Variants in STX5 observed in about 807,000 individuals in gnomAD.
STX5 encodes syntaxin 5.
STX5 carries 15 observed loss-of-function variants against 42.9 expected under a neutral mutation model. The observed-to-expected ratio is 0.35, with a 90% confidence interval of 0.23 to 0.54. The LOEUF (loss-of-function observed/expected upper bound fraction) is 0.54, where lower values mean the gene tolerates loss of function less well. Ranked by LOEUF, STX5 falls within the 20% of genes least tolerant of loss-of-function variation. The pLI is 0.91. For synonymous variants in STX5, 184 were observed against 173.2 expected (o/e 1.06, Z -0.49); for missense variants, 430 against 455.0 (o/e 0.95, Z 0.50).
chr11:62,825,061 G>A lies in STX5; in HGVS notation c.654C>T (p.Ala218=). The change falls in exon 8 of 11, where the codon GCC becomes GCT. Residue 218 remains alanine (A), a synonymous_variant. Coordinates refer to ENST00000294179, the MANE Select transcript of STX5 (RefSeq NM_003164.5). The part of the protein sequence containing the change: ...REQFSRAPVS[A]LPLAPNHLGG... ...CCAGGTGGTTAGGGGCAAGGGGCAG[G>A]GCTGACACAGGTGCCCGGGAGAACT... 6.2e-7 allele frequency: 1 copy of A among 1,613,940 alleles called. No homozygotes were observed. Among genetic ancestry groups the A allele is most frequent in the East Asian group, 2.2e-5 (1 of 44,890 alleles).
intron 10 of STX5, among the ~76,000 whole-genome samples, chr11:62,808,317 T>C (rs1244480244): frequency 6.6e-6 from 1 of 151,752 alleles, no homozygotes; most frequent in Non-Finnish European, 1.5e-5. Flanking sequence ...TCCCAGCTAC[T>C]CGGGAGGCTG....
At position 62,831,092 on chromosome 11, in the gene STX5, G is replaced by A. The variant is rs3802945; in HGVS notation, c.152C>T (p.Pro51Leu). 7.6e-4 allele frequency: 1,187 copies of A among 1,556,146 alleles called. 19 individuals are homozygous for A. In the East Asian group the frequency reaches 0.027, roughly 35 times the overall value. Residue 51 changes from proline to leucine, a missense_variant, in exon 2 of 11, where the codon CCT becomes CTT. Physicochemically the swap from Pro to Leu is moderately conservative, Grantham distance 98 (BLOSUM62 -3). Coordinates refer to ENST00000294179, the MANE Select transcript of STX5 (RefSeq NM_003164.5). ...ATCCCGGCAGGACATGGTGTCGGGA[G>A]GGGGAGGGACGAGGGTCACTGGGGG... ...LPPPVTLVPP[P>L]PDTMSCRDRT...
chr11:62,807,262 G>T lies in STX5; in HGVS notation c.*207C>A. The T allele has an allele frequency of 1.5e-6, 1 of 664,194 alleles. No individual in the cohort carries two copies. 41.1% of individuals were successfully genotyped at this position (664,194 alleles called of 1,614,324 possible). A position where few individuals can be genotyped will look rare whatever the true frequency, so the allele number is the denominator to read the frequency against. ...GCAGAGTTCAAATCTAGAACCCTGT[G>T]TGTTTCATAGGCCTGAGGGTGGTGG... On this transcript the variant is annotated 3_prime_UTR_variant, in exon 11 of 11. Coordinates refer to ENST00000294179, the MANE Select transcript of STX5 (RefSeq NM_003164.5).
intron 10 of STX5, among the ~76,000 whole-genome samples, chr11:62,815,387 CATA>C (rs910158082): frequency 1.3e-5 from 2 of 152,068 alleles, no homozygotes; most frequent in South Asian, 4.2e-4. Flanking sequence ...CTGGATAATA[CATA>C]ATATTAGGAA....
At chr11:62,815,929 G>A (rs2084668493) in intron 10 of STX5, 1 of 151,854 alleles carries the variant, frequency 6.6e-6, no homozygotes, top group South Asian at 2.1e-4. Context: ...CGTGTCTTGG[G>A]GCTTGGTATA....
chr11:62,815,684 G>T (rs1433249556), intron 10 of STX5, among the ~76,000 whole-genome samples: 3 of 151,710 alleles, frequency 2.0e-5, no homozygotes, highest in Non-Finnish European at 4.4e-5. Flanking sequence ...CCACAGGCAT[G>T]CACCACTATG....
Position 62,825,316 on chromosome 11 carries a change from A to T in STX5, c.564T>A (p.Asn188Lys). Reference protein sequence around the residue: ...SLQSKLASMSNDFKSVLEVRT... With the variant: ...SLQSKLASMSKDFKSVLEVRT... ...TCACTTCTAAAACCGATTTGAAGTC[A>T]TTGGACATAGAAGCCAGTTTCGACT... The change falls in exon 7 of 11, where the codon AAT becomes AAA. Residue 188 changes from asparagine (N) to lysine (K), a missense_variant. Coordinates refer to ENST00000294179, the MANE Select transcript of STX5 (RefSeq NM_003164.5). The T allele has an allele frequency of 6.2e-7, 1 of 1,614,196 alleles. No homozygotes were observed. Among genetic ancestry groups the T allele is most frequent in the South Asian group, 1.1e-5 (1 of 91,088 alleles).
At chr11:62,821,852 C>G (rs764608814) in intron 10 of STX5, among the ~76,000 whole-genome samples, 1 of 151,872 alleles carries the variant, frequency 6.6e-6, no homozygotes, top group Non-Finnish European at 1.5e-5. Context: ...ATGGTGAAAC[C>G]CTGTCTCCAC....
At chr11:62,814,496 T>C (rs1425328259) in intron 10 of STX5, among the ~76,000 whole-genome samples, 1 of 150,636 alleles carries the variant, frequency 6.6e-6, no homozygotes. Flanking sequence ...AGAGTCTCAC[T>C]CTGTTGCCCA....
intron 10 of STX5, chr11:62,807,984 TC>T: frequency 4.3e-6 from 1 of 233,000 alleles, no homozygotes; most frequent in South Asian, 7.6e-5. Context: ...TTACAATTTT[TC>T]CTCATCAGTA....
Position 62,831,113 on chromosome 11 carries a change from G to A in STX5, c.131C>T (p.Pro44Leu), listed in dbSNP as rs778033260. 3 of 1,549,258 alleles carry A rather than the reference G, an allele frequency of 1.9e-6. No individual in the cohort carries two copies. Among genetic ancestry groups the A allele is most frequent in the South Asian group, 1.2e-5 (1 of 84,184 alleles). The change falls in exon 2 of 11, where the codon CCA becomes CTA. Residue 44 changes from proline (P) to leucine (L), a missense_variant. Transcript: ENST00000294179. The part of the protein sequence containing the change: ...SSSDIAPLPP[P>L]VTLVPPPPDT... ...GGGAGGGGGAGGGACGAGGGTCACT[G>A]GGGGGGGCAGAGGGGCGATGTCGCT...
chr11:62,826,657 G>C (rs1159053020), intron 5 of STX5, among the ~76,000 whole-genome samples: 1 of 152,074 alleles, frequency 6.6e-6, no homozygotes, highest in Admixed American at 6.6e-5. Context: ...GGGAGGCCAA[G>C]GTGGGCGGCT....
At chr11:62,828,967 G>C (rs1225379092) in intron 2 of STX5, among the ~76,000 whole-genome samples, 1 of 151,942 alleles carries the variant, frequency 6.6e-6, no homozygotes. Context: ...GGGAGGCTGA[G>C]GCAGGAGAAT....
rs1028670557 is a variant in STX5 at position 62,832,014 on chromosome 11, C to A, written c.-80G>T. The A allele has an allele frequency of 1.7e-5, 8 of 473,896 alleles. No homozygotes were observed. The East Asian group carries it at 4.5e-4, about 27-fold the overall frequency. The allele number at this position is 473,896 out of a possible 1,614,324, so 29.4% of individuals were successfully genotyped here. On this transcript the variant is annotated 5_prime_UTR_variant, in exon 1 of 11. Coordinates refer to ENST00000294179, the MANE Select transcript of STX5 (RefSeq NM_003164.5). ...ATCTCACCGGCCGTCACTGCCTCCT[C>A]CCCGAGCACTGAAGCCGCCGAAACC... is the stretch of plus-strand genomic sequence containing the variant.
intron 10 of STX5, among the ~76,000 whole-genome samples, chr11:62,816,722 GA>G (rs71056565): frequency 0.085 from 7,658 of 90,158 alleles, 309 homozygotes; most frequent in Non-Finnish European, 0.12. Flanking sequence ...CGCCTTTACT[GA>G]AAAAAAAAAA....
At position 62,827,592 on chromosome 11, in the gene STX5, G is replaced by C. The variant is rs2084811048; in HGVS notation, c.265C>G (p.Arg89Gly). Residue 89 changes from arginine (R) to glycine (G), a missense_variant, in exon 3 of 11, where the codon CGA (arginine) becomes GGA (glycine). Arg to Gly is a moderately radical substitution (Grantham distance 125). Transcript: ENST00000294179. ...ATGAGGGTGAATTCACTGCGTTGTCGGACAGCACGCAAAGCTGGCTTATTT... is the reference window on the plus strand; with the variant it reads ...ATGAGGGTGAATTCACTGCGTTGTCCGACAGCACGCAAAGCTGGCTTATTT... ...QTNKPALRAV[R>G]QRSEFTLMAK... 1 of 1,614,138 alleles carries C rather than the reference G, an allele frequency of 6.2e-7. No individual in the cohort carries two copies. The highest frequency in any genetic ancestry group is 1.3e-5 in the African/African-American group (1 of 75,020).
At chr11:62,822,006 CAG>C (rs2084745441) in intron 10 of STX5, among the ~76,000 whole-genome samples, 1 of 149,322 alleles carries the variant, frequency 6.7e-6, no homozygotes, top group South Asian at 2.2e-4. Context: ...AGCCTAGCGA[CAG>C]AGTGAGACTC....
At position 62,827,759 on chromosome 11, in the gene STX5, G is replaced by A. The variant is rs993472640; in HGVS notation, c.226-128C>T. ...CATCCATCAGATGATCTAGATTTATGAGTGGTAGTCGTTTAGAGTCCAGAT... is the reference window on the plus strand; with the variant it reads ...CATCCATCAGATGATCTAGATTTATAAGTGGTAGTCGTTTAGAGTCCAGAT... On this transcript the variant is annotated intron_variant, in intron 2 of 10. Transcript: ENST00000294179. The A allele has an allele frequency of 8.4e-6, 8 of 956,070 alleles. No individual in the cohort carries two copies. The Admixed American group carries it at 1.2e-4, about 14-fold the overall frequency. 59.2% of individuals were successfully genotyped at this position (956,070 alleles called of 1,614,324 possible).
Position 62,820,761 on chromosome 11 carries a change from C to T in STX5, c.908+3405G>A, listed in dbSNP as rs1412858470. On this transcript the variant is annotated intron_variant, in intron 10 of 10. Coordinates refer to ENST00000294179, the MANE Select transcript of STX5 (RefSeq NM_003164.5). ...TCCTGACCTCATGATCCGCCTGCCT[C>T]GGCCTCCCAAAGTGTTGGGATTACA... 4.6e-5 allele frequency among the ~76,000 whole-genome samples: 7 copies of T among 151,748 alleles called. No individual in the cohort carries two copies. In the South Asian group the frequency reaches 8.3e-4, roughly 18 times the overall value.
Sources: gnomAD v4.1 joint callset for allele counts (sites outside exome capture counted in the v4.1 genomes callset) on GRCh38, gnomAD v4.1.1 for gene constraint, MANE v1.5 for transcripts, NCBI Gene and HGNC (gene_info 2026-07-23, HGNC 2026-07-21) for gene names.